ANKFN1: variants seen among roughly 807,000 people sequenced by gnomAD.
ANKFN1 encodes ankyrin repeat and fibronectin type III domain containing 1.
ANKFN1 carries 74 observed loss-of-function variants against 108.7 expected under a neutral mutation model. That is an observed-to-expected ratio of 0.68 (90% CI 0.56 to 0.83). The LOEUF (loss-of-function observed/expected upper bound fraction) is 0.83. Ranked by LOEUF, ANKFN1 falls within the 40% of genes least tolerant of loss-of-function variation. The pLI is 0.00. For synonymous variants in ANKFN1, 547 were observed against 516.2 expected (o/e 1.06, Z -0.81); for missense variants, 1,505 against 1,382.3 (o/e 1.09, Z -1.41).
chr17:56,310,360 G>A (rs2044978085), intron 3 of ANKFN1, among the ~76,000 whole-genome samples: 1 of 152,194 alleles, frequency 6.6e-6, no homozygotes, highest in Non-Finnish European at 1.5e-5. Context: ...GCTCACGCCT[G>A]TAATCCCAGC....
intron 10 of ANKFN1, among the ~76,000 whole-genome samples, chr17:56,444,997 A>G (rs189321710): frequency 6.6e-6 from 1 of 152,260 alleles, no homozygotes; most frequent in East Asian, 1.9e-4. Flanking sequence ...TGAGATCCCT[A>G]AGGTCCCTGA....
rs893693730 is a variant in ANKFN1 at position 56,511,074 on chromosome 17, C to G, written c.3246C>G (p.Asp1082Glu). The change falls in exon 21 of 21, where the codon GAC becomes GAG. Residue 1082 changes from aspartate (D) to glutamate (E), a missense_variant. By Grantham distance (45) the Asp-to-Glu change is conservative. Transcript: ENST00000682825. ...LPEERNSSLQ[D>E]ARPSVRRLYV... ...AGGAGCGGAACAGCAGTCTCCAGGA[C>G]GCGAGGCCTTCCGTCCGCCGCCTCT... is the stretch of plus-strand genomic sequence containing the variant. 45 of 1,535,882 alleles carry G rather than the reference C, an allele frequency of 2.9e-5. No homozygotes were observed. The highest frequency in any genetic ancestry group is 3.9e-5 in the Non-Finnish European group (45 of 1,146,874).
chr17:56,413,893 G>A (rs2048165554), intron 8 of ANKFN1, among the ~76,000 whole-genome samples: 1 of 151,898 alleles, frequency 6.6e-6, no homozygotes, highest in South Asian at 2.1e-4. Context: ...GACCAGTCTG[G>A]TCTCGAACTC....
Position 56,291,721 on chromosome 17 carries a change from T to C in ANKFN1, c.54-34500T>C, listed in dbSNP as rs191981774. On this transcript the variant is annotated intron_variant, in intron 3 of 20. Transcript: ENST00000682825. ...CTCTTCCTGTGGGCCATTCAGAAATTCTTCAGGGGTCCTTCTGAAGCAAGG... is the reference window on the plus strand; with the variant it reads ...CTCTTCCTGTGGGCCATTCAGAAATCCTTCAGGGGTCCTTCTGAAGCAAGG... 9.3e-4 allele frequency among the ~76,000 whole-genome samples: 142 copies of C among 152,244 alleles called. 2 individuals are homozygous for C. Among genetic ancestry groups the C allele is most frequent in the African/African-American group, 3.3e-3 (137 of 41,560 alleles).
chr17:56,380,643 T>A (rs902003517), intron 8 of ANKFN1, among the ~76,000 whole-genome samples: 15 of 152,194 alleles, frequency 9.9e-5, no homozygotes, highest in African/African-American at 3.6e-4. Flanking sequence ...ATCCCACACA[T>A]GGCTCAGAGG....
intron 4 of ANKFN1, among the ~76,000 whole-genome samples, chr17:56,047,055 A>G (rs1904691231): frequency 6.6e-6 from 1 of 152,048 alleles, no homozygotes; most frequent in African/African-American, 2.4e-5. Context: ...TTGAAAGGAG[A>G]CAGGTAAGAA....
chr17:56,387,627 C>T (rs1259116474), intron 8 of ANKFN1, among the ~76,000 whole-genome samples: 1 of 152,084 alleles, frequency 6.6e-6, no homozygotes, highest in East Asian at 1.9e-4. Context: ...TGTGTAAACT[C>T]CATTAGGTTA....
At chr17:56,506,193 C>G (rs2051557077) in intron 20 of ANKFN1, among the ~76,000 whole-genome samples, 3 of 151,856 alleles carry the variant, frequency 2.0e-5, no homozygotes, top group African/African-American at 7.3e-5. Flanking sequence ...GTTATATCTC[C>G]TGATGCTATC....
At chr17:56,167,274 C>CATATAT (rs72093414) in intron 1 of ANKFN1, among the ~76,000 whole-genome samples, 1 of 133,866 alleles carries the variant, frequency 7.5e-6, no homozygotes, top group South Asian at 2.4e-4. Flanking sequence ...TATATATATA[C>CATATAT]ATATATATAT....
chr17:56,456,717 G>T, intron 11 of ANKFN1, 144 bp from the exon 12 acceptor site: 1 of 682,756 alleles, frequency 1.5e-6, no homozygotes, highest in Non-Finnish European at 2.6e-6. Flanking sequence ...TTATAGGCAT[G>T]AATGAGCAGA....
At chr17:56,072,157 T>C (rs1905127967) in intron 4 of ANKFN1, among the ~76,000 whole-genome samples, 7 of 152,232 alleles carry the variant, frequency 4.6e-5, no homozygotes, top group Admixed American at 4.6e-4. Flanking sequence ...ACTCTCTCTG[T>C]ATTGGTAGTT....
chr17:56,140,482 A>G (rs1907854454), intron 4 of ANKFN1, among the ~76,000 whole-genome samples: 1 of 152,126 alleles, frequency 6.6e-6, no homozygotes, highest in Admixed American at 6.5e-5. Flanking sequence ...CCTGCAGCTG[A>G]AAGACTTTCT....
At chr17:56,407,812 A>C (rs1047236879) in intron 8 of ANKFN1, among the ~76,000 whole-genome samples, 2 of 152,204 alleles carry the variant, frequency 1.3e-5, no homozygotes, top group Non-Finnish European at 2.9e-5. Context: ...GATAAGTTTC[A>C]ATAAAATTTC....
chr17:56,265,481 A>G (rs1598325364), intron 3 of ANKFN1, among the ~76,000 whole-genome samples: 1 of 152,300 alleles, frequency 6.6e-6, no homozygotes, highest in African/African-American at 2.4e-5. Context: ...ACAATTTGAG[A>G]TGAGATTTGA....
intron 1 of ANKFN1, among the ~76,000 whole-genome samples, chr17:56,201,602 A>T (rs1253006613): frequency 2.0e-5 from 3 of 152,118 alleles, no homozygotes; most frequent in Non-Finnish European, 2.9e-5. Context: ...ATGTGTTCAT[A>T]CCTTTTACAA....
At position 56,085,016 on chromosome 17, in the gene ANKFN1, C is replaced by T. The variant is rs1210667711; in HGVS notation, c.288+38691C>T. On this transcript the variant is annotated intron_variant, in intron 4 of 12. Transcript: ENST00000635860. ...CTAGATGTGTGATTTTGGTAGATCA[C>T]GTCTCCTGGTTTCAGTTTCCCAATT... Among the ~76,000 whole-genome samples the T allele has an allele frequency of 6.0e-5, 9 of 150,828 alleles. 1 individual carries two copies. The highest frequency in any genetic ancestry group is 1.9e-4 in the East Asian group (1 of 5,180).
intron 4 of ANKFN1, among the ~76,000 whole-genome samples, chr17:56,337,610 G>A (rs1238299704): frequency 8.9e-6 from 1 of 111,966 alleles, no homozygotes; most frequent in East Asian, 2.8e-4. Flanking sequence ...AAATTTACAA[G>A]AAAAAAAGCA....
intron 1 of ANKFN1, among the ~76,000 whole-genome samples, chr17:56,155,589 G>A (rs928917630): frequency 6.6e-6 from 1 of 152,218 alleles, no homozygotes; most frequent in Non-Finnish European, 1.5e-5. Context: ...GGAATAAGCT[G>A]TGCTTACAGT....
chr17:56,162,445 C>T (rs371480555), intron 1 of ANKFN1, among the ~76,000 whole-genome samples: 44 of 152,276 alleles, frequency 2.9e-4, no homozygotes, highest in Middle Eastern at 3.4e-3. Flanking sequence ...GCCATCCTGT[C>T]GTTGGGTCTT....
Sources: allele counts gnomAD v4.1 joint callset (sites outside exome capture counted in the v4.1 genomes callset), GRCh38; gene constraint gnomAD v4.1.1; transcripts MANE v1.5; gene names NCBI Gene and HGNC (gene_info 2026-07-23, HGNC 2026-07-21).